NEDD4: variants seen among roughly 807,000 people sequenced by gnomAD.
NEDD4 encodes NEDD4 E3 ubiquitin protein ligase, also known as E3 ubiquitin-protein ligase NEDD4.
Under a neutral mutation model 144.9 loss-of-function variants are expected in NEDD4, and 99 were observed. The observed-to-expected ratio is 0.68, with a 90% confidence interval of 0.58 to 0.81. The LOEUF (loss-of-function observed/expected upper bound fraction) is 0.81. Among genes scored for constraint, NEDD4 ranks in the 30% least tolerant of loss-of-function variants. NEDD4 has a pLI of 0.00. For missense variants in NEDD4, 985 were observed against 1,065.9 expected (o/e 0.92, Z 1.06); for synonymous variants, 318 against 350.6 (o/e 0.91, Z 1.04).
At chr15:55,886,094 A>G (rs1278937336) in intron 5 of NEDD4, among the ~76,000 whole-genome samples, 1 of 152,208 alleles carries the variant, frequency 6.6e-6, no homozygotes, top group East Asian at 1.9e-4. Flanking sequence ...ACTATAAAAA[A>G]AGACAAAGAA....
intron 1 of NEDD4, 86 bp from the exon 2 acceptor site, chr15:55,966,632 GTAAT>G (rs2037517586): frequency 1.1e-5 from 6 of 553,296 alleles, no homozygotes; most frequent in East Asian, 3.4e-5. Flanking sequence ...ATCAAATAAA[GTAAT>G]TAGGATATTA....
chr15:55,832,413 T>G (rs2032994588), intron 27 of NEDD4, among the ~76,000 whole-genome samples: 1 of 152,130 alleles, frequency 6.6e-6, no homozygotes. Flanking sequence ...ACATTAGAAG[T>G]AATGCTTTTT....
rs1403960623 is a variant in NEDD4, at chr15:55,978,185, T to A, written c.46-11639A>T. 3.3e-5 allele frequency among the ~76,000 whole-genome samples: 5 copies of A among 152,120 alleles called. No individual in the cohort carries two copies. In the South Asian group the frequency reaches 1.0e-3, roughly 31 times the overall value. On this transcript the variant is annotated intron_variant, in intron 1 of 28. Transcript: ENST00000435532. ...CCTCCTGGGGAAAATGTAACAAGCA[T>A]TAATCAAAAACAATTCCAGGGGAAT...
chr15:55,987,788 T>C (rs1595891382), intron 1 of NEDD4: 3 of 87,410 alleles, frequency 3.4e-5, no homozygotes, highest in South Asian at 4.7e-4. Context: ...GTTGTAGATA[T>C]GTGGCATTAT....
intron 1 of NEDD4, among the ~76,000 whole-genome samples, chr15:55,979,918 T>G (rs936567220): frequency 2.6e-5 from 3 of 114,658 alleles, no homozygotes; most frequent in South Asian, 2.9e-4. Flanking sequence ...TAATTATTAC[T>G]TTTTTTTTTT....
At chr15:55,934,756 T>C (rs1222206389) in intron 4 of NEDD4, 1 of 150,488 alleles carries the variant, frequency 6.6e-6, no homozygotes, top group Non-Finnish European at 1.5e-5. Context: ...AATTATTTTC[T>C]AAAAATACCA....
At chr15:55,886,408 T>C (rs930624429) in intron 5 of NEDD4, among the ~76,000 whole-genome samples, 1 of 152,192 alleles carries the variant, frequency 6.6e-6, no homozygotes, top group Non-Finnish European at 1.5e-5. Flanking sequence ...TTATTCTCAG[T>C]GCATGGATCC....
chr15:55,976,626 AATTT>A (rs1566975583), intron 1 of NEDD4, among the ~76,000 whole-genome samples: 1 of 131,322 alleles, frequency 7.6e-6, no homozygotes, highest in Admixed American at 8.1e-5. Context: ...TCTGGGCAAA[AATTT>A]TTTTTTTTTT....
At chr15:55,853,559 A>C (rs184034617) in intron 12 of NEDD4, among the ~76,000 whole-genome samples, 76 of 152,336 alleles carry the variant, frequency 5.0e-4, no homozygotes, top group Non-Finnish European at 9.0e-4. Context: ...TAATCTAACA[A>C]CAGAAATCAT....
At chr15:55,910,299 C>T (rs533031832) in intron 5 of NEDD4, among the ~76,000 whole-genome samples, 7 of 152,224 alleles carry the variant, frequency 4.6e-5, no homozygotes, top group Non-Finnish European at 1.0e-4. Context: ...CTTTTAACCC[C>T]GCATTCTCCT....
chr15:55,894,197 C>T (rs556726808), intron 5 of NEDD4, among the ~76,000 whole-genome samples: 12 of 151,984 alleles, frequency 7.9e-5, no homozygotes, highest in South Asian at 4.2e-4. Flanking sequence ...CTCTCTCTAT[C>T]GGTGGATTCA....
chr15:55,937,349 A>G (rs906811), intron 4 of NEDD4, among the ~76,000 whole-genome samples: 10,533 of 152,250 alleles, frequency 0.069, 475 homozygotes, highest in Non-Finnish European at 0.1. Flanking sequence ...GATGATATAA[A>G]TGACAAAGAG....
chr15:55,971,668 A>G (rs1392630397), intron 1 of NEDD4, among the ~76,000 whole-genome samples: 4 of 151,996 alleles, frequency 2.6e-5, no homozygotes, highest in African/African-American at 9.7e-5. Context: ...GGAGGTAGCA[A>G]GAGAGATTGG....
In NEDD4 at chr15:55,881,923, C is replaced by T. The variant is rs563124195; in HGVS notation, c.292-7915G>A. ...ATTCCTGGCCTCTACCCACTTGTGT[C>T]AGTAGTACCCGCCCTCCAGTTATAA... On this transcript the variant is annotated intron_variant, in intron 5 of 28. Coordinates refer to ENST00000435532, the MANE Select transcript of NEDD4 (RefSeq NM_006154.4). 1.2e-4 allele frequency among the ~76,000 whole-genome samples: 18 copies of T among 152,244 alleles called. No homozygotes were observed. The East Asian group carries it at 3.1e-3, about 26-fold the overall frequency.
chr15:55,939,531 A>G (rs1433720429), intron 4 of NEDD4, among the ~76,000 whole-genome samples: 2 of 152,330 alleles, frequency 1.3e-5, no homozygotes, highest in African/African-American at 4.8e-5. Context: ...TAATTTAAAA[A>G]ATGAACCAAG....
intron 5 of NEDD4, among the ~76,000 whole-genome samples, chr15:55,912,450 C>T (rs1212976716): frequency 6.6e-6 from 1 of 151,230 alleles, no homozygotes; most frequent in African/African-American, 2.4e-5. Flanking sequence ...ACTTTTATAA[C>T]AAAAAGAAAA....
chr15:55,928,946 T>TA (rs1426679938), intron 4 of NEDD4, among the ~76,000 whole-genome samples: 30 of 152,330 alleles, frequency 2.0e-4, no homozygotes, highest in African/African-American at 7.2e-4. Flanking sequence ...AACATGAACA[T>TA]AAACAGCTAT....
At chr15:55,873,441 C>T (rs762655162) in intron 6 of NEDD4, among the ~76,000 whole-genome samples, 5 of 152,118 alleles carry the variant, frequency 3.3e-5, no homozygotes, top group East Asian at 1.9e-4. Flanking sequence ...CACTTTTCTA[C>T]AAGAGACGCC....
At chr15:55,953,165 T>G (rs1280119897) in intron 2 of NEDD4, among the ~76,000 whole-genome samples, 1 of 151,928 alleles carries the variant, frequency 6.6e-6, no homozygotes, top group Admixed American at 6.6e-5. Flanking sequence ...AATTTTTGTA[T>G]TTTTAGTACA....
Sources: allele counts gnomAD v4.1 joint callset (sites outside exome capture counted in the v4.1 genomes callset), GRCh38; gene constraint gnomAD v4.1.1; transcripts MANE v1.5; gene names NCBI Gene and HGNC (gene_info 2026-07-23, HGNC 2026-07-21).